The following BAZ2B variants were observed in gnomAD, a reference collection of about 807,000 sequenced individuals.
BAZ2B encodes bromodomain adjacent to zinc finger domain protein 2B.
Under a neutral mutation model 246.0 loss-of-function variants are expected in BAZ2B, and 91 were observed. That is an observed-to-expected ratio of 0.37 (90% confidence interval 0.31 to 0.44). The LOEUF is 0.44. Ranked by LOEUF, BAZ2B falls within the 20% of genes least tolerant of loss-of-function variation. BAZ2B has a pLI of 1.00. For missense variants in BAZ2B, 2,332 were observed against 2,533.7 expected, an observed-to-expected ratio of 0.92 and a Z score of 1.71; for synonymous variants, 855 against 860.0, an observed-to-expected ratio of 0.99 and a Z score of 0.10.
chr2:159,630,725 A>C, the BAZ2B span, among the ~76,000 whole-genome samples: 22 of 152,178 alleles, frequency 1.4e-4, no homozygotes, highest in Middle Eastern at 3.4e-3. Context: ...TAGTAGAGAC[A>C]GGGTTTCACC....
At chr2:159,352,948 T>C (rs1575948350) in intron 27 of BAZ2B, among the ~76,000 whole-genome samples, 1 of 152,216 alleles carries the variant, frequency 6.6e-6, no homozygotes, top group Non-Finnish European at 1.5e-5. Context: ...GAGTCCAGCA[T>C]GGGCAACATA....
chr2:159,520,299 T>C (rs1260421049), intron 2 of BAZ2B, among the ~76,000 whole-genome samples: 3 of 152,164 alleles, frequency 2.0e-5, no homozygotes, highest in Non-Finnish European at 4.4e-5. Flanking sequence ...ATTTATGTCC[T>C]CCTGCCTCCC....
intron 1 of BAZ2B, among the ~76,000 whole-genome samples, chr2:159,594,131 C>T (rs1299768058): frequency 6.6e-6 from 1 of 152,178 alleles, no homozygotes; most frequent in Non-Finnish European, 1.5e-5. Context: ...CGGCCGGGCG[C>T]GGTGGCTCAC....
chr2:159,419,877 A>G (rs1164904848), intron 13 of BAZ2B: 1 of 152,188 alleles, frequency 6.6e-6, no homozygotes, highest in African/African-American at 2.4e-5. Flanking sequence ...ATGTTGCATT[A>G]GGTGTGACAG....
intron 25 of BAZ2B, among the ~76,000 whole-genome samples, chr2:159,377,812 C>CAAAAAAAAAAAAAAAAAAAAAAAAAAAAA (rs35570732): frequency 6.4e-5 from 6 of 94,164 alleles, no homozygotes; most frequent in African/African-American, 2.4e-4. Context: ...ACTCTGTCTC[C>CAAAAAAAAAAAAAAAAAAAAAAAAAAAAA]AAAAAAAAAA....
chr2:159,653,641 C>T, the BAZ2B span, among the ~76,000 whole-genome samples: 3 of 152,064 alleles, frequency 2.0e-5, no homozygotes, highest in East Asian at 3.9e-4. Flanking sequence ...TTATATGATA[C>T]GTGATGTAAT....
intron 2 of BAZ2B, among the ~76,000 whole-genome samples, chr2:159,527,579 C>T (rs2084897065): frequency 1.3e-5 from 2 of 152,106 alleles, no homozygotes; most frequent in Admixed American, 6.6e-5. Flanking sequence ...CTTTATATTT[C>T]TACATTTAAA....
At chr2:159,551,281 A>AAC (rs1271096713) in intron 2 of BAZ2B, among the ~76,000 whole-genome samples, 4 of 152,140 alleles carry the variant, frequency 2.6e-5, no homozygotes, top group Admixed American at 6.6e-5. Context: ...CATCCTGGCT[A>AAC]ACATGGTGAA....
chr2:159,650,989 G>C, the BAZ2B span, among the ~76,000 whole-genome samples: 1 of 151,992 alleles, frequency 6.6e-6, no homozygotes, highest in Non-Finnish European at 1.5e-5. Flanking sequence ...ATCTCATCTA[G>C]AAATATAAGA....
chr2:159,511,871 T>C (rs2082960717), intron 2 of BAZ2B, among the ~76,000 whole-genome samples: 1 of 152,128 alleles, frequency 6.6e-6, no homozygotes, highest in Non-Finnish European at 1.5e-5. Flanking sequence ...ATGATTACAG[T>C]GACCATAAAA....
At chr2:159,455,771 T>G (rs902917158) in intron 3 of BAZ2B, among the ~76,000 whole-genome samples, 3,238 of 143,784 alleles carry the variant, frequency 0.023, 96 homozygotes, top group African/African-American at 0.077. Context: ...TGGTTTTTTT[T>G]TTTTTTTTTT....
chr2:159,658,156 A>G, the BAZ2B span, among the ~76,000 whole-genome samples: 4 of 152,170 alleles, frequency 2.6e-5, no homozygotes, highest in African/African-American at 9.7e-5. Flanking sequence ...GGACTTTGTC[A>G]AATTGTTTTT....
chr2:159,394,117 T>A (rs2063685406), intron 20 of BAZ2B, among the ~76,000 whole-genome samples: 2 of 151,982 alleles, frequency 1.3e-5, no homozygotes, highest in Admixed American at 1.3e-4. Context: ...CTGGTTCTTT[T>A]TATTCCTTCT....
intron 1 of BAZ2B, among the ~76,000 whole-genome samples, chr2:159,604,945 TGTGTGTGCGC>T (rs1404407324): frequency 2.3e-5 from 3 of 130,002 alleles, no homozygotes; most frequent in South Asian, 3.2e-4. Context: ...TGTGTGTGTG[TGTGTGTGCGC>T]GTGTGTGCGC....
At chr2:159,632,262 T>C in the BAZ2B span, among the ~76,000 whole-genome samples, 4 of 152,282 alleles carry the variant, frequency 2.6e-5, no homozygotes, top group African/African-American at 9.6e-5. Context: ...CAGACTGCTG[T>C]TCACCCAAGC....
chr2:159,550,613 T>C (rs755114162), intron 2 of BAZ2B, among the ~76,000 whole-genome samples: 1 of 152,104 alleles, frequency 6.6e-6, no homozygotes, highest in Non-Finnish European at 1.5e-5. Flanking sequence ...AAACCAGTAT[T>C]AGGGACAACT....
chr2:159,577,335 T>C (rs1176423167), intron 1 of BAZ2B, among the ~76,000 whole-genome samples: 1 of 152,244 alleles, frequency 6.6e-6, no homozygotes, highest in African/African-American at 2.4e-5. Flanking sequence ...TGTGTGTGTA[T>C]ATTTACAGGG....
At chr2:159,395,861 A>G (rs1177339906) in intron 19 of BAZ2B, 27 bp from the exon 20 acceptor site, 2 of 1,570,984 alleles carry the variant, frequency 1.3e-6, no homozygotes, top group Non-Finnish European at 1.7e-6. Flanking sequence ...AATGTGGAAA[A>G]TAACTCAGCC....
At chr2:159,703,048 CAAACAAACAA>C in the BAZ2B span, among the ~76,000 whole-genome samples, 1 of 127,950 alleles carries the variant, frequency 7.8e-6, no homozygotes, top group Admixed American at 7.3e-5. Context: ...CGTCTCAAAA[CAAACAAACAA>C]AAACAAACAA....
Sources: allele counts gnomAD v4.1 joint callset (sites outside exome capture counted in the v4.1 genomes callset), GRCh38; gene constraint gnomAD v4.1.1; transcripts MANE v1.5; gene names NCBI Gene and HGNC (gene_info 2026-07-23, HGNC 2026-07-21).